The following CLNK variants were observed in gnomAD, a reference collection of about 807,000 sequenced individuals.
CLNK encodes the protein cytokine dependent hematopoietic cell linker.
CLNK carries 74 observed loss-of-function variants against 68.6 expected under a neutral mutation model. That is an observed-to-expected ratio of 1.08 (90% confidence interval 0.89 to 1.31). CLNK has a LOEUF of 1.31. CLNK is among the 50% of genes most tolerant of loss of function. The probability of loss-of-function intolerance (pLI) is 0.00; values close to 1 mark genes in which losing one functional copy is unlikely to be tolerated. For synonymous variants in CLNK, 198 were observed against 172.2 expected, an observed-to-expected ratio of 1.15 and a Z score of -1.17; for missense variants, 553 against 515.3, an observed-to-expected ratio of 1.07 and a Z score of -0.71.
At chr4:10,567,825 C>T (rs1720182507) in intron 5 of CLNK, among the ~76,000 whole-genome samples, 1 of 152,136 alleles carries the variant, frequency 6.6e-6, no homozygotes, top group Non-Finnish European at 1.5e-5. Context: ...TGGAGAGATG[C>T]TCAATATCAT....
chr4:10,490,745 G>A (rs1577082367), intron 18 of CLNK, 132 bp from the exon 19 acceptor site: 1 of 687,168 alleles, frequency 1.5e-6, no homozygotes, highest in Non-Finnish European at 2.3e-6. Context: ...TGGTAAAGGT[G>A]TTTCAGGAAG....
At chr4:10,698,846 C>T in the CLNK span, among the ~76,000 whole-genome samples, 35 of 152,256 alleles carry the variant, frequency 2.3e-4, no homozygotes, top group African/African-American at 7.7e-4. Flanking sequence ...AGATTGCTCT[C>T]CCTGCTGCAG....
chr4:10,598,084 T>C, intron 2 of CLNK, 35 bp from the exon 3 acceptor site: 5 of 1,437,600 alleles, frequency 3.5e-6, no homozygotes, highest in Non-Finnish European at 3.8e-6. Context: ...AGCTGGGAAA[T>C]AGCAAGAAGC....
rs180754192 is a variant in CLNK at position 10,507,872 on chromosome 4, G to T, written c.984+87C>A. On this transcript the variant is annotated intron_variant, in intron 17 of 18. Transcript: ENST00000226951. ...TGCAGGAAATAATACATGAAAGCAAGCTGCTTGTTACGTCTTGTGACACAT... is the reference window on the plus strand; with the variant it reads ...TGCAGGAAATAATACATGAAAGCAATCTGCTTGTTACGTCTTGTGACACAT... The T allele has an allele frequency of 6.2e-6, 6 of 960,280 alleles. No homozygotes were observed. The Admixed American group carries it at 7.2e-5, about 12-fold the overall frequency. The allele number at this position is 960,280 out of a possible 1,614,324, so 59.5% of individuals were successfully genotyped here. A position where few individuals can be genotyped will look rare whatever the true frequency, so the allele number is the denominator to read the frequency against.
At chr4:10,635,379 C>T (rs532082427) in intron 2 of CLNK, among the ~76,000 whole-genome samples, 38 of 152,180 alleles carry the variant, frequency 2.5e-4, no homozygotes, top group South Asian at 4.2e-4. Flanking sequence ...AGAGACTGAT[C>T]GACCCTGTCC....
At chr4:10,600,245 A>C (rs1341403835) in intron 2 of CLNK, among the ~76,000 whole-genome samples, 1 of 152,084 alleles carries the variant, frequency 6.6e-6, no homozygotes, top group Non-Finnish European at 1.5e-5. Context: ...TCAATTTCAA[A>C]TATTACTTCC....
At chr4:10,642,503 T>C (rs546903087) in intron 2 of CLNK, among the ~76,000 whole-genome samples, 1 of 152,132 alleles carries the variant, frequency 6.6e-6, no homozygotes, top group South Asian at 2.1e-4. Context: ...GAGTGGACCA[T>C]AAGGATAGAA....
At chr4:10,586,785 C>T (rs1392356445) in intron 3 of CLNK, among the ~76,000 whole-genome samples, 1 of 152,298 alleles carries the variant, frequency 6.6e-6, no homozygotes, top group Non-Finnish European at 1.5e-5. Flanking sequence ...CTGTATCTCA[C>T]CACCATTAAA....
chr4:10,720,348 G>C, the CLNK span, among the ~76,000 whole-genome samples: 3,826 of 152,050 alleles, frequency 0.025, 192 homozygotes, highest in African/African-American at 0.087. Context: ...AGGAATGAAA[G>C]ATTACTAGGA....
the CLNK span, among the ~76,000 whole-genome samples, chr4:10,709,733 TC>T: frequency 1.3e-5 from 2 of 152,148 alleles, no homozygotes; most frequent in Non-Finnish European, 2.9e-5. Flanking sequence ...TGCACACTTT[TC>T]TTAGCTCACT....
intron 2 of CLNK, among the ~76,000 whole-genome samples, chr4:10,621,340 G>A (rs564473937): frequency 1.2e-4 from 19 of 152,306 alleles, no homozygotes; most frequent in African/African-American, 4.6e-4. Flanking sequence ...GCAGCCCCAA[G>A]CAGAGTTACC....
intron 7 of CLNK, among the ~76,000 whole-genome samples, chr4:10,561,653 C>G (rs1250009998): frequency 6.6e-6 from 1 of 152,182 alleles, no homozygotes; most frequent in Non-Finnish European, 1.5e-5. Context: ...ATTCTCATTT[C>G]CTGGCCACGC....
At chr4:10,613,138 G>T (rs1313378405) in intron 2 of CLNK, among the ~76,000 whole-genome samples, 1 of 152,172 alleles carries the variant, frequency 6.6e-6, no homozygotes, top group African/African-American at 2.4e-5. Flanking sequence ...ATGGAACAGA[G>T]AAGGACAACA....
chr4:10,664,098 G>T (rs1013697465), intron 2 of CLNK, among the ~76,000 whole-genome samples: 1 of 152,060 alleles, frequency 6.6e-6, no homozygotes, highest in Non-Finnish European at 1.5e-5. Context: ...AGATAGTAAG[G>T]AATTAGTCAT....
chr4:10,732,667 A>C, the CLNK span, among the ~76,000 whole-genome samples: 1 of 152,124 alleles, frequency 6.6e-6, no homozygotes, highest in Non-Finnish European at 1.5e-5. Context: ...TTGATGAATT[A>C]AGAACCTAGA....
intron 8 of CLNK, among the ~76,000 whole-genome samples, chr4:10,557,018 G>A (rs1006283897): frequency 6.6e-6 from 1 of 151,932 alleles, no homozygotes; most frequent in Non-Finnish European, 1.5e-5. Context: ...GGAGGTTGCA[G>A]TGAGCCAAGA....
At chr4:10,628,785 A>G (rs1722776762) in intron 2 of CLNK, among the ~76,000 whole-genome samples, 1 of 152,182 alleles carries the variant, frequency 6.6e-6, no homozygotes, top group Non-Finnish European at 1.5e-5. Context: ...CGTCTCTCCC[A>G]AAGTGTAGGA....
At chr4:10,583,343 G>A (rs1720855252) in intron 4 of CLNK, among the ~76,000 whole-genome samples, 2 of 152,130 alleles carry the variant, frequency 1.3e-5, no homozygotes, top group South Asian at 2.1e-4. Context: ...CTGGAGTGCA[G>A]TGGGGTGATC....
chr4:10,537,275 C>T (rs542707563), intron 11 of CLNK, among the ~76,000 whole-genome samples: 2 of 152,058 alleles, frequency 1.3e-5, no homozygotes, highest in Non-Finnish European at 2.9e-5. Flanking sequence ...GTCAGGAGTT[C>T]GAGACCAGCC....
Sources: gnomAD v4.1 joint callset for allele counts (sites outside exome capture counted in the v4.1 genomes callset) on GRCh38, gnomAD v4.1.1 for gene constraint, MANE v1.5 for transcripts, NCBI Gene and HGNC (gene_info 2026-07-23, HGNC 2026-07-21) for gene names.